PCDHB1: variants seen among roughly 807,000 people sequenced by gnomAD.
PCDHB1 encodes the protein protocadherin beta 1, also known as protocadherin beta-1.
Under a neutral mutation model 43.5 loss-of-function variants are expected in PCDHB1, and 44 were observed. The ratio of observed to expected loss-of-function variants is 1.01; its 90% CI spans 0.79 to 1.30. PCDHB1 has a LOEUF of 1.30. Among genes scored for constraint, PCDHB1 ranks in the 50% most tolerant of loss-of-function variants. The probability of loss-of-function intolerance (pLI) is 0.00; values close to 1 mark genes in which losing one functional copy is unlikely to be tolerated. For missense variants in PCDHB1, 919 were observed against 1,008.9 expected (o/e 0.91, Z 1.21); for synonymous variants, 392 against 400.8 (o/e 0.98, Z 0.26).
In PCDHB1 at chr5:141,058,251, T is replaced by C. The variant is rs1751173256; in HGVS notation, c.*4324T>C. 1 of 152,242 alleles carries C rather than the reference T, an allele frequency of 6.6e-6. No homozygotes were observed. The allele number at this position is 152,242 out of a possible 1,614,324, so 9.4% of individuals were successfully genotyped here. On this transcript the variant is annotated 3_prime_UTR_variant, in exon 1 of 1. Coordinates refer to ENST00000306549, the MANE Select transcript of PCDHB1 (RefSeq NM_013340.4). ...GCATTTGTTATGGCTCCTTAGTCTC[T>C]ACCACCTGTGACAGTTCCTTACTCT...
Position 141,057,420 on chromosome 5 carries a change from T to G in PCDHB1, c.*3493T>G, listed in dbSNP as rs1751154529. ...AGCTGGGTGTGGTGGTATGTGCCTGTAGTCCCAGCTACTTGGGAGGCTGAG... is the reference window on the plus strand; with the variant it reads ...AGCTGGGTGTGGTGGTATGTGCCTGGAGTCCCAGCTACTTGGGAGGCTGAG... On this transcript the variant is annotated 3_prime_UTR_variant, in exon 1 of 1. Coordinates refer to ENST00000306549, the MANE Select transcript of PCDHB1 (RefSeq NM_013340.4). The G allele has an allele frequency of 6.6e-6, 1 of 151,408 alleles. No homozygotes were observed. The highest frequency in any genetic ancestry group is 6.6e-5 in the Admixed American group (1 of 15,184). The allele number at this position is 151,408 out of a possible 1,614,324, so 9.4% of individuals were successfully genotyped here.
At position 141,053,919 on chromosome 5, in the gene PCDHB1, T is replaced by A; in HGVS notation, c.2449T>A (p.Tyr817Asn). The change falls in exon 1 of 1, where the codon TAT becomes AAT. Residue 817 changes from tyrosine (Y) to asparagine (N), a missense_variant. Physicochemically the swap from Tyr to Asn is moderately radical, Grantham distance 143. Coordinates refer to ENST00000306549, the MANE Select transcript of PCDHB1 (RefSeq NM_013340.4). ...LEGHDQVSDDYM is the reference protein window; with the variant it reads ...LEGHDQVSDDNM ...GGGCCATGACCAGGTATCTGATGAC[T>A]ATATGTAGCTCCTATTTACAGGCTC... 1 of 1,610,270 alleles carries A rather than the reference T, an allele frequency of 6.2e-7. No individual in the cohort carries two copies. The highest frequency in any genetic ancestry group is 8.5e-7 in the Non-Finnish European group (1 of 1,177,626).
chr5:141,053,408 G>A lies in PCDHB1; in HGVS notation c.1938G>A (p.Gln646=), dbSNP rs782076310. Residue 646 remains glutamine, a synonymous_variant, in exon 1 of 1, where the codon CAG becomes CAA. Coordinates refer to ENST00000306549, the MANE Select transcript of PCDHB1 (RefSeq NM_013340.4). ...TGCAGAAATTGATCATTCTTGTTCAGGATCACGGCCAACCAGCTCTTTCCA... is the reference window on the plus strand; with the variant it reads ...TGCAGAAATTGATCATTCTTGTTCAAGATCACGGCCAACCAGCTCTTTCCA... ...PMMQKLIILV[Q]DHGQPALSTT... is the part of the protein sequence containing the mutation. 1.9e-6 allele frequency: 3 copies of A among 1,614,184 alleles called. No individual in the cohort carries two copies. The South Asian group carries it at 3.3e-5, about 18-fold the overall frequency.
chr5:141,052,743 A>T lies in PCDHB1; in HGVS notation c.1273A>T (p.Met425Leu). Reference protein sequence around the residue: ...VSGYNITIVAMDTGPPSLSAE... With the variant: ...VSGYNITIVALDTGPPSLSAE... ...AGGCTATAATATCACCATTGTTGCC[A>T]TGGATACTGGACCACCTAGCTTGTC... Residue 425 changes from methionine to leucine, a missense_variant, in exon 1 of 1, where the codon ATG becomes TTG. Coordinates refer to ENST00000306549, the MANE Select transcript of PCDHB1 (RefSeq NM_013340.4). The T allele has an allele frequency of 1.2e-6, 2 of 1,614,200 alleles. No homozygotes were observed. Among genetic ancestry groups the T allele is most frequent in the Non-Finnish European group, 1.7e-6 (2 of 1,180,024 alleles).
At position 141,051,743 on chromosome 5, in the gene PCDHB1, T is replaced by G; in HGVS notation, c.273T>G (p.Asp91Glu). 6.2e-7 allele frequency: 1 copy of G among 1,614,210 alleles called. No homozygotes were observed. The highest frequency in any genetic ancestry group is 8.5e-7 in the Non-Finnish European group (1 of 1,180,046). Residue 91 changes from aspartate (D) to glutamate (E), a missense_variant, in exon 1 of 1, where the codon GAT becomes GAG. Asp to Glu is a conservative substitution (Grantham distance 45, BLOSUM62 2). Transcript: ENST00000306549. ...ATTTGTTTGTGAAGGAGAAACTGGA[T>G]CGGGAGTCACTTTGTGGCAAAGCCG... is the stretch of plus-strand genomic sequence containing the variant. ...TGDLFVKEKL[D>E]RESLCGKADP...
rs1751035793 is a variant in PCDHB1, at chr5:141,053,105, A to G, written c.1635A>G (p.Gln545=). ...GGGGCTTCCTGTCACTGAGTAGCCA[A>G]GTTACTGTCAGAGTGGTTGTCCTAG... ...TDGGFLSLSS[Q]VTVRVVVLDD... Residue 545 remains glutamine, a synonymous_variant, in exon 1 of 1, where the codon CAA becomes CAG. Transcript: ENST00000306549. 6.2e-7 allele frequency: 1 copy of G among 1,614,198 alleles called. No homozygotes were observed. Among genetic ancestry groups the G allele is most frequent in the South Asian group, 1.1e-5 (1 of 91,080 alleles).
rs568021188 is a variant in PCDHB1, at chr5:141,057,586, T to C, written c.*3659T>C. 1 of 144,000 alleles carries C rather than the reference T, an allele frequency of 6.9e-6. No homozygotes were observed. Among genetic ancestry groups the C allele is most frequent in the Admixed American group, 6.8e-5 (1 of 14,604 alleles). 8.9% of individuals were successfully genotyped at this position (144,000 alleles called of 1,614,324 possible). ...AAAAAAGAAAAAAGAAAAAAAAAGG[T>C]AAGATAACAATCTCATAAAAGAAAC... On this transcript the variant is annotated 3_prime_UTR_variant, in exon 1 of 1. Transcript: ENST00000306549.
In PCDHB1 at chr5:141,052,193, G is replaced by T. The variant is rs782451639; in HGVS notation, c.723G>T (p.Gln241His). Residue 241 changes from glutamine to histidine, a missense_variant, in exon 1 of 1, where the codon CAG becomes CAT. Transcript: ENST00000306549. The stretch of plus-strand genomic sequence containing the variant: ...TGGATGTCAACGACCACGTGCCCCA[G>T]TTCTCGCGACTGGTGTACAGAGCCC... ...VVLDVNDHVP[Q>H]FSRLVYRAQV... The T allele has an allele frequency of 1.9e-6, 3 of 1,614,134 alleles. No homozygotes were observed. In the South Asian group the frequency reaches 3.3e-5, roughly 18 times the overall value.
chr5:141,056,018 T>C lies in PCDHB1; in HGVS notation c.*2091T>C, dbSNP rs895816354. The C allele has an allele frequency of 1.3e-5, 2 of 151,970 alleles. No homozygotes were observed. The highest frequency in any genetic ancestry group is 2.4e-5 in the African/African-American group (1 of 41,336). The allele number at this position is 151,970 out of a possible 1,614,324, so 9.4% of individuals were successfully genotyped here. On this transcript the variant is annotated 3_prime_UTR_variant, in exon 1 of 1. Transcript: ENST00000306549. ...AGTTCAGGGGTGCAGTAAGCTATGA[T>C]TGCACTTCTGCACTCCAGCCTGGGC...
At position 141,058,212 on chromosome 5, in the gene PCDHB1, C is replaced by G. The variant is rs1751172637; in HGVS notation, c.*4285C>G. 1 of 152,160 alleles carries G rather than the reference C, an allele frequency of 6.6e-6. No individual in the cohort carries two copies. The highest frequency in any genetic ancestry group is 2.1e-4 in the South Asian group (1 of 4,826). The allele number at this position is 152,160 out of a possible 1,614,324, so 9.4% of individuals were successfully genotyped here. On this transcript the variant is annotated 3_prime_UTR_variant, in exon 1 of 1. Transcript: ENST00000306549. ...CCTTTTTCTATTCAAGGATCCAATC[C>G]AGGATCCTGCAAAGCATTTGTTATG...
At position 141,051,415 on chromosome 5, in the gene PCDHB1, G is replaced by T; in HGVS notation, c.-56G>T. On this transcript the variant is annotated 5_prime_UTR_variant, in exon 1 of 1. Coordinates refer to ENST00000306549, the MANE Select transcript of PCDHB1 (RefSeq NM_013340.4). The stretch of plus-strand genomic sequence containing the variant: ...TTGCAGTAACCTGTTGCAGAAAAGT[G>T]AAAGTATATCCGCAACAGTTGGCTC... 3 of 1,580,282 alleles carry T rather than the reference G, an allele frequency of 1.9e-6. No homozygotes were observed. Among genetic ancestry groups the T allele is most frequent in the Non-Finnish European group, 2.6e-6 (3 of 1,156,376 alleles).
Position 141,052,366 on chromosome 5 carries a change from G to C in PCDHB1, c.896G>C (p.Gly299Ala), listed in dbSNP as rs782127622. ...LKTFQIDPQN[G>A]EVRLRGPLDF... ...ACGTTTCAGATTGACCCTCAAAATG[G>C]AGAAGTTCGACTAAGAGGACCCCTC... The change falls in exon 1 of 1, where the codon GGA becomes GCA. Residue 299 changes from glycine to alanine, a missense_variant. By Grantham distance (60) the Gly-to-Ala change is moderately conservative (BLOSUM62 0). Coordinates refer to ENST00000306549, the MANE Select transcript of PCDHB1 (RefSeq NM_013340.4). 1 of 1,614,222 alleles carries C rather than the reference G, an allele frequency of 6.2e-7. No homozygotes were observed. Among genetic ancestry groups the C allele is most frequent in the Non-Finnish European group, 8.5e-7 (1 of 1,180,044 alleles).
In PCDHB1 at chr5:141,053,141, C is replaced by A. The variant is rs1461869820; in HGVS notation, c.1671C>A (p.Asp557Glu). Residue 557 changes from aspartate (D) to glutamate (E), a missense_variant, in exon 1 of 1, where the codon GAC (aspartate) becomes GAA (glutamate). By Grantham distance (45) the Asp-to-Glu change is conservative. Transcript: ENST00000306549. ...TVRVVVLDDN[D>E]NRPMILYPLQ... The stretch of plus-strand genomic sequence containing the variant: ...GAGTGGTTGTCCTAGATGACAATGA[C>A]AATCGTCCAATGATCTTATACCCAC... 1 of 1,614,168 alleles carries A rather than the reference C, an allele frequency of 6.2e-7. No homozygotes were observed. Among genetic ancestry groups the A allele is most frequent in the East Asian group, 2.2e-5 (1 of 44,872 alleles).
rs1476926821 is a variant in PCDHB1 at position 141,052,873 on chromosome 5, C to T, written c.1403C>T (p.Ala468Val). Residue 468 changes from alanine to valine, a missense_variant, in exon 1 of 1, where the codon GCG becomes GTG. Transcript: ENST00000306549. ...ACTGTTCGAGAAAACAACAGTCCTG[C>T]GGTTTTTATTGGCAAAGTCCATGCT... ...ILTVRENNSP[A>V]VFIGKVHAED... 3.1e-6 allele frequency: 5 copies of T among 1,614,128 alleles called. No homozygotes were observed. The highest frequency in any genetic ancestry group is 1.7e-5 in the Admixed American group (1 of 60,018).
In PCDHB1 at chr5:141,053,642, C is replaced by T. The variant is rs1411901593; in HGVS notation, c.2172C>T (p.Phe724=). ...AAAAGATTAAATATAGAGAAAAGTT[C>T]ACAATTCAAGAGCATTTCTATGATG... ...VYQKIKYREK[F]TIQEHFYDDC... is the part of the protein sequence containing the mutation. Residue 724 remains phenylalanine, a synonymous_variant, in exon 1 of 1, where the codon TTC becomes TTT. Transcript: ENST00000306549. 2 of 1,613,954 alleles carry T rather than the reference C, an allele frequency of 1.2e-6. No homozygotes were observed. The highest frequency in any genetic ancestry group is 1.7e-6 in the Non-Finnish European group (2 of 1,179,964).
Position 141,051,651 on chromosome 5 carries a change from G to T in PCDHB1, c.181G>T (p.Ala61Ser). 2 of 1,614,264 alleles carry T rather than the reference G, an allele frequency of 1.2e-6. No homozygotes were observed. Among genetic ancestry groups the T allele is most frequent in the Non-Finnish European group, 1.7e-6 (2 of 1,180,044 alleles). ...DLGLEVGKLA[A>S]RGARLVSEGN... ...AGGACTGGAGGTAGGGAAGCTGGCT[G>T]CGCGCGGGGCGCGGCTGGTTTCCGA... is the stretch of plus-strand genomic sequence containing the variant. Residue 61 changes from alanine (A) to serine (S), a missense_variant, in exon 1 of 1, where the codon GCG becomes TCG. Coordinates refer to ENST00000306549, the MANE Select transcript of PCDHB1 (RefSeq NM_013340.4).
In PCDHB1 at chr5:141,051,684, A is replaced by T; in HGVS notation, c.214A>T (p.Lys72Ter). ...RGARLVSEGN[K>*]MHFRLHRKTG... Reference sequence around the variant, plus strand: ...GGCGCGGCTGGTTTCCGAGGGCAACAAAATGCATTTCCGGCTCCACCGCAA... The same window carrying T: ...GGCGCGGCTGGTTTCCGAGGGCAACTAAATGCATTTCCGGCTCCACCGCAA... The change falls in exon 1 of 1, where the codon AAA becomes TAA. Residue 72 changes from lysine (K) to a stop codon, truncating the protein, a stop_gained. Transcript: ENST00000306549. LOFTEE classifies it high-confidence loss of function. 1 of 1,614,164 alleles carries T rather than the reference A, an allele frequency of 6.2e-7. No individual in the cohort carries two copies. Among genetic ancestry groups the T allele is most frequent in the Non-Finnish European group, 8.5e-7 (1 of 1,180,024 alleles).
rs1410070033 is a variant in PCDHB1 at position 141,057,682 on chromosome 5, C to T, written c.*3755C>T. Reference sequence around the variant, plus strand: ...TTGCCACCATTTTTCTTATTTTTGCCTTAGGTGAAAATTTTGTCACTCTAA... The same window carrying T: ...TTGCCACCATTTTTCTTATTTTTGCTTTAGGTGAAAATTTTGTCACTCTAA... On this transcript the variant is annotated 3_prime_UTR_variant, in exon 1 of 1. Coordinates refer to ENST00000306549, the MANE Select transcript of PCDHB1 (RefSeq NM_013340.4). 5 of 151,548 alleles carry T rather than the reference C, an allele frequency of 3.3e-5. No individual in the cohort carries two copies. Among genetic ancestry groups the T allele is most frequent in the Admixed American group, 2.0e-4 (3 of 15,238 alleles). The allele number at this position is 151,548 out of a possible 1,614,324, so 9.4% of individuals were successfully genotyped here. A position where few individuals can be genotyped will look rare whatever the true frequency, so the allele number is the denominator to read the frequency against.
Position 141,054,096 on chromosome 5 carries a change from C to G in PCDHB1, c.*169C>G. ...AACCTAGAGTGAGGCTAGGCTTACT[C>G]AATACAAAGCAGTTATCCTGATCCC... On this transcript the variant is annotated 3_prime_UTR_variant, in exon 1 of 1. Transcript: ENST00000306549. 1.7e-6 allele frequency: 1 copy of G among 592,456 alleles called. No individual in the cohort carries two copies. The highest frequency in any genetic ancestry group is 3.0e-6 in the Non-Finnish European group (1 of 337,184). The allele number at this position is 592,456 out of a possible 1,614,324, so 36.7% of individuals were successfully genotyped here.
Sources: gnomAD v4.1 joint callset for allele counts on GRCh38, gnomAD v4.1.1 for gene constraint, MANE v1.5 for transcripts, NCBI Gene and HGNC (gene_info 2026-07-23, HGNC 2026-07-21) for gene names.